Variants in BCL11A observed in about 807,000 individuals in gnomAD.
The protein encoded by BCL11A is BCL11 transcription factor A.
A neutral mutation model predicts 55.9 loss-of-function variants in BCL11A; 2 were observed. The ratio of observed to expected loss-of-function variants is 0.04; its 90% confidence interval spans 0.01 to 0.11. The LOEUF (loss-of-function observed/expected upper bound fraction) is 0.11. BCL11A is among the 10% of genes least tolerant of loss of function. The pLI, the probability that BCL11A is intolerant of heterozygous loss-of-function variation, is 1.00. For synonymous variants in BCL11A, 465 were observed against 473.4 expected, an observed-to-expected ratio of 0.98 and a Z score of 0.23; for missense variants, 817 against 1,137.1, an observed-to-expected ratio of 0.72 and a Z score of 4.05.
At position 60,462,296 on chromosome 2, in the gene BCL11A, G is replaced by C. The variant is rs1470892744; in HGVS notation, c.616C>G (p.Pro206Ala). ...RIYLESEHGS[P>A]LTPRVGIPSG... ...GGGATACCAACCCGCGGGGTCAGGG[G>C]ACTTCCGTGTTCGCTTTCTAAGTAG... is the stretch of plus-strand genomic sequence containing the variant. The change falls in exon 4 of 4, where the codon CCC (proline) becomes GCC (alanine). Residue 206 changes from proline to alanine, a missense_variant. Physicochemically the swap from Pro to Ala is conservative, Grantham distance 27 (BLOSUM62 -1). This residue lies in a region of BCL11A where 363 missense variants were observed against 486.6 expected (regional missense o/e 0.75). Transcript: ENST00000642384. 2 of 1,614,166 alleles carry C rather than the reference G, an allele frequency of 1.2e-6. No homozygotes were observed. Among genetic ancestry groups the C allele is most frequent in the Non-Finnish European group, 8.5e-7 (1 of 1,180,026 alleles).
intron 1 of BCL11A, among the ~76,000 whole-genome samples, chr2:60,547,254 C>T (rs1198807547): frequency 2.0e-5 from 3 of 152,146 alleles, no homozygotes; most frequent in Non-Finnish European, 2.9e-5. Context: ...TGAAATACTT[C>T]GCCTAATGTT....
At chr2:60,550,776 C>G (rs1558527869) in intron 1 of BCL11A, 2 of 398,684 alleles carry the variant, frequency 5.0e-6, no homozygotes, top group East Asian at 3.6e-5. Flanking sequence ...CTGCGCGCCC[C>G]GGTCTGTCCT....
At chr2:60,533,274 T>A (rs1197748259) in intron 2 of BCL11A, 1 of 152,218 alleles carries the variant, frequency 6.6e-6, no homozygotes, top group African/African-American at 2.4e-5. Flanking sequence ...ATAAGGCTTG[T>A]GATGACTAAA....
intron 2 of BCL11A, chr2:60,543,688 C>T (rs1179244468): frequency 6.6e-6 from 1 of 152,190 alleles, no homozygotes; most frequent in Non-Finnish European, 1.5e-5. Context: ...TATTTATGTT[C>T]AGCCAGTTCC....
intron 2 of BCL11A, among the ~76,000 whole-genome samples, chr2:60,498,591 G>C (rs1679091056): frequency 6.6e-6 from 1 of 152,202 alleles, no homozygotes; most frequent in South Asian, 2.1e-4. Flanking sequence ...ACCTGCATTT[G>C]TTTTTCAAAT....
downstream of BCL11A, among the ~76,000 whole-genome samples, chr2:60,454,879 A>G (rs887364932): frequency 5.9e-5 from 9 of 152,220 alleles, no homozygotes; most frequent in African/African-American, 2.2e-4. Context: ...TGCATATACA[A>G]AAATGGTATT....
intron 2 of BCL11A, among the ~76,000 whole-genome samples, chr2:60,472,135 C>T (rs746263790): frequency 7.7e-4 from 118 of 152,292 alleles, no homozygotes; most frequent in Admixed American, 8.5e-4. Context: ...AATTCAGGTT[C>T]CACCCTCCGT....
In BCL11A at chr2:60,457,584, T is replaced by C. The variant is rs1290259983; in HGVS notation, c.*2820A>G. On this transcript the variant is annotated 3_prime_UTR_variant, in exon 4 of 4. Transcript: ENST00000642384. ...TATTGACTAAAGCGGGCTTTCTCTT[T>C]AATATGCTTTGCATATGAAATTCTT... 9.6e-7 allele frequency: 1 copy of C among 1,044,962 alleles called. No individual in the cohort carries two copies. Among genetic ancestry groups the C allele is most frequent in the Non-Finnish European group, 1.2e-6 (1 of 866,370 alleles). The allele number at this position is 1,044,962 out of a possible 1,614,324, so 64.7% of individuals were successfully genotyped here. A position where few individuals can be genotyped will look rare whatever the true frequency, so the allele number is the denominator to read the frequency against.
intron 2 of BCL11A, among the ~76,000 whole-genome samples, chr2:60,481,448 A>G (rs1287013264): frequency 6.6e-6 from 1 of 151,912 alleles, no homozygotes; most frequent in Non-Finnish European, 1.5e-5. Context: ...CACCCCACCC[A>G]CCACAAGCAC....
chr2:60,492,619 T>TCG (rs1573002063), intron 2 of BCL11A, among the ~76,000 whole-genome samples: 1 of 150,114 alleles, frequency 6.7e-6, no homozygotes, highest in Non-Finnish European at 1.5e-5. Context: ...GGCCTCCCTC[T>TCG]CTCTCTCTCT....
At chr2:60,483,795 T>A (rs1216363945) in intron 2 of BCL11A, among the ~76,000 whole-genome samples, 1 of 152,158 alleles carries the variant, frequency 6.6e-6, no homozygotes, top group East Asian at 1.9e-4. Flanking sequence ...GAAGGAGGAT[T>A]TCTTTTTATT....
chr2:60,551,304 A>G (rs1019073098), intron 1 of BCL11A, among the ~76,000 whole-genome samples: 2 of 152,212 alleles, frequency 1.3e-5, no homozygotes, highest in Non-Finnish European at 2.9e-5. Context: ...ACTCACAAGA[A>G]CCTCAGACCA....
chr2:60,458,752 T>A lies in BCL11A; in HGVS notation c.*1652A>T. 9.7e-7 allele frequency: 1 copy of A among 1,033,844 alleles called. No individual in the cohort carries two copies. 64.0% of individuals were successfully genotyped at this position (1,033,844 alleles called of 1,614,324 possible). A position where few individuals can be genotyped will look rare whatever the true frequency, so the allele number is the denominator to read the frequency against. On this transcript the variant is annotated 3_prime_UTR_variant, in exon 4 of 4. Transcript: ENST00000642384. ...ATTGTCCTATCTGAGCAGGTTTATT[T>A]TATACTCAACCTCTGTATCTCTGAT...
At chr2:60,467,977 A>G (rs149182715) in intron 3 of BCL11A, among the ~76,000 whole-genome samples, 148 of 4,694 alleles carry the variant, frequency 0.032, no homozygotes, top group Non-Finnish European at 0.054. Flanking sequence ...TGGTGGTGGT[A>G]GTGATGGTGG....
chr2:60,532,235 T>C (rs1669488659), intron 2 of BCL11A, among the ~76,000 whole-genome samples: 1 of 152,218 alleles, frequency 6.6e-6, no homozygotes, highest in South Asian at 2.1e-4. Flanking sequence ...CATTTTGCAT[T>C]TCAAGGCACA....
chr2:60,491,397 G>A (rs1375178186), intron 2 of BCL11A, among the ~76,000 whole-genome samples: 1 of 152,160 alleles, frequency 6.6e-6, no homozygotes, highest in Admixed American at 6.5e-5. Flanking sequence ...TCCCGGCCAG[G>A]CGCTGTGGCT....
intron 3 of BCL11A, among the ~76,000 whole-genome samples, chr2:60,467,849 CTACTGGTGGTGATGG>C (rs1264316995): frequency 8.7e-4 from 30 of 34,632 alleles, no homozygotes; most frequent in African/African-American, 2.7e-3. Context: ...GGTGGTGATG[CTACTGGTGGTGATGG>C]TACTGGTGGT....
At chr2:60,464,666 T>G (rs535256827) in intron 3 of BCL11A, among the ~76,000 whole-genome samples, 1 of 152,364 alleles carries the variant, frequency 6.6e-6, no homozygotes, top group South Asian at 2.1e-4. Context: ...TGCCATGAAT[T>G]GTAGTCATTG....
chr2:60,452,705 A>AT, downstream of BCL11A: 1 of 1,485,970 alleles, frequency 6.7e-7, no homozygotes. Context: ...GGAAAAAAAA[A>AT]GTACAGGTGT....
Sources: gnomAD v4.1 joint callset for allele counts (sites outside exome capture counted in the v4.1 genomes callset) on GRCh38, gnomAD v4.1.1 for gene constraint, gnomAD v4.1.1 regional missense constraint, MANE v1.5 for transcripts, NCBI Gene and HGNC (gene_info 2026-07-23, HGNC 2026-07-21) for gene names.